Variants in TMEM178B observed in about 807,000 individuals in gnomAD.
The protein encoded by TMEM178B is transmembrane protein 178B.
Under a neutral mutation model 31.0 loss-of-function variants are expected in TMEM178B, and 5 were observed. That is an observed-to-expected ratio of 0.16 (90% confidence interval 0.08 to 0.34). TMEM178B has a LOEUF of 0.34. TMEM178B is among the 10% of genes least tolerant of loss of function. The pLI is 1.00. For synonymous variants in TMEM178B, 164 were observed against 164.0 expected, an observed-to-expected ratio of 1.00 and a Z score of 0.00; for missense variants, 275 against 400.3, an observed-to-expected ratio of 0.69 and a Z score of 2.67.
At chr7:141,120,273 AGGTTGTTGTG>A (rs1795388169) in intron 1 of TMEM178B, among the ~76,000 whole-genome samples, 2 of 152,206 alleles carry the variant, frequency 1.3e-5, no homozygotes, top group African/African-American at 4.8e-5. Flanking sequence ...GCAATTTATC[AGGTTGTTGTG>A]AGAAAATATA....
In TMEM178B at chr7:141,080,730, A is replaced by G. The variant is rs188172175; in HGVS notation, c.382+6038A>G. Among the ~76,000 whole-genome samples, 11 of 152,352 alleles carry G rather than the reference A, an allele frequency of 7.2e-5. No homozygotes were observed. The East Asian group carries it at 2.1e-3, about 29-fold the overall frequency. ...CCCTTACGAAGCGCAAAGGGGAAGA[A>G]TGACAAGTAAGGCAAAAATGAAATG... On this transcript the variant is annotated intron_variant, in intron 1 of 3. Coordinates refer to ENST00000565468, the MANE Select transcript of TMEM178B (RefSeq NM_001195278.2).
intron 1 of TMEM178B, among the ~76,000 whole-genome samples, chr7:141,128,686 G>A (rs973063683): frequency 2.6e-5 from 4 of 152,202 alleles, no homozygotes; most frequent in African/African-American, 7.2e-5. Context: ...CCCACGATGA[G>A]TGTGGTAGGG....
chr7:141,085,313 G>A (rs1242009215), intron 1 of TMEM178B, among the ~76,000 whole-genome samples: 1 of 151,834 alleles, frequency 6.6e-6, no homozygotes, highest in Non-Finnish European at 1.5e-5. Flanking sequence ...TTGTAAATTT[G>A]TATGCACAGA....
rs1230515414 is a variant in TMEM178B at position 141,436,077 on chromosome 7, G to T, written c.497-1531G>T. 2.6e-5 allele frequency among the ~76,000 whole-genome samples: 4 copies of T among 152,276 alleles called. No homozygotes were observed. The East Asian group carries it at 5.8e-4, about 22-fold the overall frequency. ...TGATGGTCAATGTCAGGACAAGAAG[G>T]GTGGTCTGGATCCCTCTACAGAGGG... On this transcript the variant is annotated intron_variant, in intron 2 of 3. Transcript: ENST00000565468.
At chr7:141,452,813 C>A (rs1157928496) in intron 3 of TMEM178B, among the ~76,000 whole-genome samples, 1 of 152,214 alleles carries the variant, frequency 6.6e-6, no homozygotes, top group African/African-American at 2.4e-5. Context: ...TCCTTTACAG[C>A]ATACTGCTTT....
At chr7:141,136,257 G>A (rs1795673884) in intron 1 of TMEM178B, among the ~76,000 whole-genome samples, 4 of 152,200 alleles carry the variant, frequency 2.6e-5, no homozygotes, top group Middle Eastern at 6.8e-3. Context: ...CAACAAAGTC[G>A]ACAAGAACCT....
intron 2 of TMEM178B, among the ~76,000 whole-genome samples, chr7:141,292,585 A>G (rs1409562854): frequency 2.7e-5 from 4 of 147,230 alleles, no homozygotes; most frequent in Admixed American, 6.8e-5. Flanking sequence ...CTTCTTCCCC[A>G]TATTTCACCT....
At chr7:141,106,154 G>A (rs1175699980) in intron 1 of TMEM178B, among the ~76,000 whole-genome samples, 1 of 151,662 alleles carries the variant, frequency 6.6e-6, no homozygotes, top group Non-Finnish European at 1.5e-5. Flanking sequence ...GTGAAAAGGT[G>A]AGTTTGTATT....
At chr7:141,211,314 T>C (rs1797049309) in intron 1 of TMEM178B, among the ~76,000 whole-genome samples, 1 of 152,214 alleles carries the variant, frequency 6.6e-6, no homozygotes, top group Non-Finnish European at 1.5e-5. Context: ...GGGAGGAGCA[T>C]CTGCCAATAA....
intron 1 of TMEM178B, among the ~76,000 whole-genome samples, chr7:141,117,221 A>T (rs1008250104): frequency 1.1e-4 from 17 of 152,158 alleles, no homozygotes; most frequent in African/African-American, 3.6e-4. Flanking sequence ...CTGGCGTGAG[A>T]TGGTATCTCA....
intron 2 of TMEM178B, among the ~76,000 whole-genome samples, chr7:141,335,561 G>A (rs73169532): frequency 0.22 from 33,744 of 152,028 alleles, 4,096 homozygotes; most frequent in Middle Eastern, 0.31. Flanking sequence ...AATTCCCCCA[G>A]CTCATGAGAA....
At chr7:141,161,223 C>G (rs1219261098) in intron 1 of TMEM178B, among the ~76,000 whole-genome samples, 1 of 152,124 alleles carries the variant, frequency 6.6e-6, no homozygotes, top group Non-Finnish European at 1.5e-5. Context: ...GGACACAGGA[C>G]CTGTCTCGAA....
intron 2 of TMEM178B, among the ~76,000 whole-genome samples, chr7:141,310,597 C>T (rs987508298): frequency 1.3e-5 from 2 of 152,078 alleles, no homozygotes; most frequent in Admixed American, 6.6e-5. Flanking sequence ...CTTCAACAGG[C>T]CCTGGTGTGT....
intron 2 of TMEM178B, among the ~76,000 whole-genome samples, chr7:141,432,308 A>T (rs1460674066): frequency 6.6e-6 from 1 of 152,010 alleles, no homozygotes; most frequent in Admixed American, 6.5e-5. Context: ...GGGGCATGCC[A>T]CCATGCCCGG....
At chr7:141,103,088 T>G (rs1388960742) in intron 1 of TMEM178B, among the ~76,000 whole-genome samples, 2 of 152,170 alleles carry the variant, frequency 1.3e-5, no homozygotes, top group Non-Finnish European at 2.9e-5. Context: ...TTCGTGTCAT[T>G]TGTGGGTTTT....
chr7:141,329,262 C>T (rs1411756255), intron 2 of TMEM178B, among the ~76,000 whole-genome samples: 1 of 152,102 alleles, frequency 6.6e-6, no homozygotes, highest in Non-Finnish European at 1.5e-5. Context: ...AAACTCTTCC[C>T]ACCCCCTACC....
At chr7:141,378,070 T>C (rs1800251166) in intron 2 of TMEM178B, among the ~76,000 whole-genome samples, 1 of 152,234 alleles carries the variant, frequency 6.6e-6, no homozygotes, top group Admixed American at 6.5e-5. Flanking sequence ...CTCTGGTTGG[T>C]GCCAGTTTTT....
At chr7:141,234,125 TATGTA>T (rs1224591953) in intron 2 of TMEM178B, among the ~76,000 whole-genome samples, 4 of 152,216 alleles carry the variant, frequency 2.6e-5, no homozygotes, top group African/African-American at 9.6e-5. Context: ...TCTACAGTTA[TATGTA>T]AAGTCTGTGA....
chr7:141,262,097 A>G (rs1364200246), intron 2 of TMEM178B, among the ~76,000 whole-genome samples: 1 of 152,168 alleles, frequency 6.6e-6, no homozygotes, highest in Non-Finnish European at 1.5e-5. Flanking sequence ...GAGAGAAGAT[A>G]GAGGTGCCAA....
Sources: allele counts gnomAD v4.1 joint callset (sites outside exome capture counted in the v4.1 genomes callset), GRCh38; gene constraint gnomAD v4.1.1; transcripts MANE v1.5; gene names NCBI Gene and HGNC (gene_info 2026-07-23, HGNC 2026-07-21).